GPC6: variants seen among roughly 807,000 people sequenced by gnomAD.
The protein encoded by GPC6 is glypican 6.
In GPC6, 14 loss-of-function variants were observed where a neutral mutation model predicts 55.2. That is an observed-to-expected ratio of 0.25 (90% CI 0.17 to 0.40). The LOEUF (loss-of-function observed/expected upper bound fraction) is 0.40. GPC6 is among the 10% of genes least tolerant of loss of function. GPC6 has a pLI of 1.00. For synonymous variants in GPC6, 278 were observed against 259.6 expected, an observed-to-expected ratio of 1.07 and a Z score of -0.68; for missense variants, 641 against 708.5, an observed-to-expected ratio of 0.90 and a Z score of 1.08.
chr13:94,294,169 C>T (rs1303987875), intron 5 of GPC6, among the ~76,000 whole-genome samples: 2 of 152,146 alleles, frequency 1.3e-5, no homozygotes, highest in Non-Finnish European at 2.9e-5. Context: ...AACCTTCTTC[C>T]TATCCTATCA....
At position 94,286,349 on chromosome 13, in the gene GPC6, A is replaced by C. The variant is rs1414354574; in HGVS notation, c.878A>C (p.Asp293Ala). 1 of 1,613,800 alleles carries C rather than the reference A, an allele frequency of 6.2e-7. No homozygotes were observed. Among genetic ancestry groups the C allele is most frequent in the Non-Finnish European group, 8.5e-7 (1 of 1,179,792 alleles). Reference sequence around the variant, plus strand: ...AAATCATGTTCCTGTATTTTAACAGATGCAATGCTCTTGGTGGCAGAGCGA... The same window carrying C: ...AAATCATGTTCCTGTATTTTAACAGCTGCAATGCTCTTGGTGGCAGAGCGA... ...DLDTEWNLFI[D>A]AMLLVAERLE... Residue 293 changes from aspartate to alanine, a missense_variant and splice_region_variant, in exon 5 of 9, where the codon GAT becomes GCT. By Grantham distance (126) the Asp-to-Ala change is moderately radical. Transcript: ENST00000377047.
At chr13:93,979,554 T>C (rs1366621772) in intron 3 of GPC6, among the ~76,000 whole-genome samples, 1 of 152,022 alleles carries the variant, frequency 6.6e-6, no homozygotes, top group Non-Finnish European at 1.5e-5. Context: ...TACTAGTCCA[T>C]GACAAATTAA....
chr13:93,530,354 C>T (rs548791516), intron 1 of GPC6, among the ~76,000 whole-genome samples: 9 of 152,294 alleles, frequency 5.9e-5, no homozygotes, highest in Admixed American at 5.9e-4. Context: ...CCCTATTCTG[C>T]TCCTCCTCAT....
At chr13:93,805,890 T>G (rs574156148) in intron 2 of GPC6, among the ~76,000 whole-genome samples, 1 of 152,284 alleles carries the variant, frequency 6.6e-6, no homozygotes, top group South Asian at 2.1e-4. Flanking sequence ...AGCCTAAGCT[T>G]CTTAGAAAAT....
Position 93,804,426 on chromosome 13 carries a change from A to G in GPC6, c.320-25728A>G, listed in dbSNP as rs1886477495. On this transcript the variant is annotated intron_variant, in intron 2 of 8. Coordinates refer to ENST00000377047, the MANE Select transcript of GPC6 (RefSeq NM_005708.5). ...GATTTGCTTCAAGAATGTGTTCATTACAGCTTCATTTCAAGATCCAGACAA... is the reference window on the plus strand; with the variant it reads ...GATTTGCTTCAAGAATGTGTTCATTGCAGCTTCATTTCAAGATCCAGACAA... Among the ~76,000 whole-genome samples the G allele has an allele frequency of 2.0e-5, 3 of 152,214 alleles. No individual in the cohort carries two copies. In the South Asian group the frequency reaches 6.2e-4, roughly 31 times the overall value.
intron 2 of GPC6, among the ~76,000 whole-genome samples, chr13:93,655,215 C>A (rs1349759141): frequency 2.0e-5 from 3 of 152,032 alleles, no homozygotes; most frequent in Non-Finnish European, 4.4e-5. Context: ...GAATATTTGA[C>A]AACAGTTTTC....
At chr13:94,001,103 G>A (rs1043343052) in intron 3 of GPC6, among the ~76,000 whole-genome samples, 5 of 152,064 alleles carry the variant, frequency 3.3e-5, no homozygotes, top group Middle Eastern at 3.2e-3. Flanking sequence ...AGTACCCAGA[G>A]GACAACCTAA....
At chr13:94,162,155 C>T (rs1047322450) in intron 4 of GPC6, among the ~76,000 whole-genome samples, 1 of 152,100 alleles carries the variant, frequency 6.6e-6, no homozygotes, top group Non-Finnish European at 1.5e-5. Flanking sequence ...AAATTTATTG[C>T]CTCTCAAAAC....
At chr13:93,992,897 GT>G (rs1315740004) in intron 3 of GPC6, among the ~76,000 whole-genome samples, 3 of 152,148 alleles carry the variant, frequency 2.0e-5, no homozygotes, top group Non-Finnish European at 4.4e-5. Flanking sequence ...AACACAAGTA[GT>G]TTGTCTCTAA....
intron 3 of GPC6, among the ~76,000 whole-genome samples, chr13:93,889,872 TG>T (rs1875563255): frequency 6.6e-6 from 1 of 152,036 alleles, no homozygotes; most frequent in Non-Finnish European, 1.5e-5. Context: ...TATGCAAAGG[TG>T]TATTTCTACC....
chr13:93,600,565 A>G (rs912752104), intron 2 of GPC6, among the ~76,000 whole-genome samples: 2 of 152,212 alleles, frequency 1.3e-5, no homozygotes, highest in East Asian at 1.9e-4. Context: ...GGGACACTCA[A>G]TCTGGGTAGA....
intron 2 of GPC6, among the ~76,000 whole-genome samples, chr13:93,745,730 C>T (rs1354746923): frequency 6.6e-6 from 1 of 152,102 alleles, no homozygotes; most frequent in Non-Finnish European, 1.5e-5. Flanking sequence ...ATTGTGTTGC[C>T]AGCTTTTTTG....
intron 6 of GPC6, among the ~76,000 whole-genome samples, chr13:94,342,328 G>A (rs1878081241): frequency 6.6e-6 from 1 of 152,186 alleles, no homozygotes; most frequent in Non-Finnish European, 1.5e-5. Flanking sequence ...AGGTCGCATA[G>A]GAATAGGATG....
chr13:93,352,483 T>C (rs1040448178), intron 1 of GPC6, among the ~76,000 whole-genome samples: 9 of 152,154 alleles, frequency 5.9e-5, no homozygotes, highest in Non-Finnish European at 1.0e-4. Context: ...CCATTTATAT[T>C]TTACGAATTT....
chr13:94,028,840 G>A (rs1490272989), intron 4 of GPC6, among the ~76,000 whole-genome samples: 1 of 152,126 alleles, frequency 6.6e-6, no homozygotes, highest in East Asian at 1.9e-4. Flanking sequence ...GCCATCCAAG[G>A]ATAAAAGGAC....
intron 1 of GPC6, among the ~76,000 whole-genome samples, chr13:93,252,552 C>T (rs999902326): frequency 1.3e-4 from 20 of 152,198 alleles, no homozygotes; most frequent in African/African-American, 4.8e-4. Flanking sequence ...CCCTAAGCCT[C>T]TTGGTTCCTG....
chr13:93,463,367 A>T (rs1878775251), intron 1 of GPC6, among the ~76,000 whole-genome samples: 1 of 152,214 alleles, frequency 6.6e-6, no homozygotes, highest in East Asian at 1.9e-4. Flanking sequence ...GGTAGACCAG[A>T]AGACCAGGTG....
At chr13:93,597,533 T>C (rs1877815342) in intron 2 of GPC6, among the ~76,000 whole-genome samples, 1 of 152,166 alleles carries the variant, frequency 6.6e-6, no homozygotes, top group African/African-American at 2.4e-5. Context: ...TTGAGCAACA[T>C]ATGTTTGAAC....
At chr13:94,172,805 G>A (rs1594018852) in intron 4 of GPC6, among the ~76,000 whole-genome samples, 1 of 152,200 alleles carries the variant, frequency 6.6e-6, no homozygotes, top group South Asian at 2.1e-4. Context: ...ATAGGCCTAC[G>A]GAGCTCTTAA....
Sources: allele counts gnomAD v4.1 joint callset (sites outside exome capture counted in the v4.1 genomes callset), GRCh38; gene constraint gnomAD v4.1.1; transcripts MANE v1.5; gene names NCBI Gene and HGNC (gene_info 2026-07-23, HGNC 2026-07-21).